Variants in CWC22 observed in about 807,000 individuals in gnomAD.
CWC22 encodes CWC22 spliceosome associated protein, also known as pre-mRNA-splicing factor CWC22 homolog.
In CWC22, 53 loss-of-function variants were observed where a neutral mutation model predicts 117.2. The ratio of observed to expected loss-of-function variants is 0.45; its 90% CI spans 0.36 to 0.57. The LOEUF (loss-of-function observed/expected upper bound fraction) is 0.57. Among genes scored for constraint, CWC22 ranks in the 20% least tolerant of loss-of-function variants. The pLI is 0.00. For synonymous variants in CWC22, 360 were observed against 355.6 expected (o/e 1.01, Z -0.14); for missense variants, 980 against 1,068.8 (o/e 0.92, Z 1.16).
intron 4 of CWC22, among the ~76,000 whole-genome samples, chr2:179,984,544 C>T (rs1432928620): frequency 6.6e-6 from 1 of 151,796 alleles, no homozygotes; most frequent in East Asian, 1.9e-4. Context: ...GTCAAAATTC[C>T]TGTGGGGGGT....
At chr2:179,991,479 A>G (rs760878806) in intron 2 of CWC22, among the ~76,000 whole-genome samples, 26 of 152,220 alleles carry the variant, frequency 1.7e-4, no homozygotes, top group Admixed American at 6.5e-5. Flanking sequence ...GGTAGAGCCA[A>G]GCCACTAAGT....
At chr2:180,004,421 T>C (rs1273318856) in intron 1 of CWC22, among the ~76,000 whole-genome samples, 1 of 152,008 alleles carries the variant, frequency 6.6e-6, no homozygotes, top group Non-Finnish European at 1.5e-5. Flanking sequence ...AGACAGAGGC[T>C]CACTTTATCG....
At chr2:179,961,947 GTCT>G (rs1686763289) in intron 13 of CWC22, among the ~76,000 whole-genome samples, 1 of 152,036 alleles carries the variant, frequency 6.6e-6, no homozygotes, top group Non-Finnish European at 1.5e-5. Flanking sequence ...CTGAATTACT[GTCT>G]TCTTTACATG....
chr2:179,973,268 T>C (rs771757601), intron 7 of CWC22, 22 bp from the exon 8 acceptor site: 1 of 1,576,684 alleles, frequency 6.3e-7, no homozygotes, highest in Admixed American at 1.8e-5. Context: ...AGGTGGAAAG[T>C]TAACCTATAA....
At chr2:180,004,987 A>C (rs969691835) in intron 1 of CWC22, among the ~76,000 whole-genome samples, 2 of 151,864 alleles carry the variant, frequency 1.3e-5, no homozygotes, top group Non-Finnish European at 2.9e-5. Context: ...AGAAGTTCTC[A>C]AACTAATTGG....
At chr2:179,978,396 G>A (rs1186311032) in intron 5 of CWC22, 78 bp from the exon 6 acceptor site, 2 of 1,330,654 alleles carry the variant, frequency 1.5e-6, no homozygotes, top group East Asian at 2.9e-5. Context: ...AAACTACATA[G>A]TGCTCCTTAA....
intron 1 of CWC22, among the ~76,000 whole-genome samples, chr2:180,003,906 C>T (rs941648605): frequency 5.3e-5 from 8 of 152,322 alleles, no homozygotes; most frequent in African/African-American, 1.4e-4. Flanking sequence ...TAGCTATAAT[C>T]CATGCTTAAA....
intron 1 of CWC22, among the ~76,000 whole-genome samples, chr2:180,001,351 A>G (rs1687845943): frequency 6.7e-6 from 1 of 149,800 alleles, no homozygotes; most frequent in Admixed American, 6.6e-5. Context: ...TTCTTGAGAC[A>G]GAGTCTGACT....
In CWC22 at chr2:179,965,971, C is replaced by T; in HGVS notation, c.1222G>A (p.Glu408Lys). The T allele has an allele frequency of 3.7e-6, 6 of 1,609,480 alleles. No homozygotes were observed. The highest frequency in any genetic ancestry group is 5.1e-6 in the Non-Finnish European group (6 of 1,177,288). ...TCTGTGTTCGAGTCAGTATCTCCCT[C>T]ATCAAGAATTTCTGTAAAGTACAAA... ...YKAIKKEILDEGDTDSNTDQD... is the reference protein window; with the variant it reads ...YKAIKKEILDKGDTDSNTDQD... The change falls in exon 12 of 20, where the codon GAG becomes AAG. Residue 408 changes from glutamate (E) to lysine (K), a missense_variant. By Grantham distance (56) the Glu-to-Lys change is moderately conservative (BLOSUM62 1). Transcript: ENST00000410053.
chr2:179,975,895 G>GA (rs1488029846), intron 6 of CWC22, among the ~76,000 whole-genome samples: 9 of 152,104 alleles, frequency 5.9e-5, no homozygotes, highest in African/African-American at 1.4e-4. Flanking sequence ...CACAGAAATA[G>GA]AAAAAACAAT....
At chr2:179,962,250 T>A (rs76023472) in intron 13 of CWC22, among the ~76,000 whole-genome samples, 2,989 of 152,226 alleles carry the variant, frequency 0.02, 110 homozygotes, top group African/African-American at 0.067. Flanking sequence ...AAAACAAATT[T>A]AAAAAATAAA....
rs780350901 is a variant in CWC22, at chr2:179,986,855, T to C, written c.96-50A>G. The C allele has an allele frequency of 9.7e-6, 10 of 1,026,390 alleles. No individual in the cohort carries two copies. In the East Asian group the frequency reaches 2.3e-4, roughly 24 times the overall value. 63.6% of individuals were successfully genotyped at this position (1,026,390 alleles called of 1,614,324 possible). A position where few individuals can be genotyped will look rare whatever the true frequency, so the allele number is the denominator to read the frequency against. On this transcript the variant is annotated intron_variant, in intron 3 of 19. Transcript: ENST00000410053. ...TTGCAAATTAAAAACAACTATGTTA[T>C]AAATATTTAGGAAAGTCATATATTG...
chr2:180,001,953 G>C (rs1197177437), intron 1 of CWC22, among the ~76,000 whole-genome samples: 1 of 152,120 alleles, frequency 6.6e-6, no homozygotes, highest in Non-Finnish European at 1.5e-5. Context: ...ATACATATTT[G>C]TTAAATGGAT....
In CWC22 at chr2:179,986,720, A is replaced by G; in HGVS notation, c.181T>C (p.Ser61Pro). Residue 61 changes from serine (S) to proline (P), a missense_variant, in exon 4 of 20, where the codon TCT (serine) becomes CCT (proline). This residue lies in a region of CWC22 where 559 missense variants were observed against 602.3 expected (regional missense o/e 0.93). Transcript: ENST00000410053. ...CGTGACTCCATGCTACTATCATAAGAACGTCCTCTTCTTGAATGCTCATAG... is the reference window on the plus strand; with the variant it reads ...CGTGACTCCATGCTACTATCATAAGGACGTCCTCTTCTTGAATGCTCATAG... Reference protein sequence around the residue: ...SDYEHSRRGRSYDSSMESRNR... With the variant: ...SDYEHSRRGRPYDSSMESRNR... 2 of 1,602,230 alleles carry G rather than the reference A, an allele frequency of 1.2e-6. No individual in the cohort carries two copies. Among genetic ancestry groups the G allele is most frequent in the Non-Finnish European group, 1.7e-6 (2 of 1,170,946 alleles).
chr2:180,002,165 G>T (rs536460460), intron 1 of CWC22, among the ~76,000 whole-genome samples: 48 of 152,288 alleles, frequency 3.2e-4, no homozygotes, highest in African/African-American at 1.1e-3. Flanking sequence ...ATCCACAGTG[G>T]AACTAATTAT....
In CWC22 at chr2:179,973,648, G is replaced by A; in HGVS notation, c.736C>T (p.Arg246Ter). 2 of 1,598,572 alleles carry A rather than the reference G, an allele frequency of 1.3e-6. No homozygotes were observed. The highest frequency in any genetic ancestry group is 1.7e-6 in the Non-Finnish European group (2 of 1,170,086). The change falls in exon 7 of 20, where the codon CGA becomes TGA. Residue 246 changes from arginine to a stop codon, truncating the protein, a stop_gained. Transcript: ENST00000410053. LOFTEE classifies it high-confidence loss of function. ...TTCATATATACCTTGTCATTTCTTCGATAGCCTTTTCGAAAATTAAGAATT... is the reference window on the plus strand; with the variant it reads ...TTCATATATACCTTGTCATTTCTTCAATAGCCTTTTCGAAAATTAAGAATT... Reference protein sequence around the residue: ...RLILNFRKGYRRNDKQLCLTA... With the variant: ...RLILNFRKGY
chr2:179,981,307 T>C (rs1687279385), intron 5 of CWC22, among the ~76,000 whole-genome samples: 1 of 152,164 alleles, frequency 6.6e-6, no homozygotes, highest in Non-Finnish European at 1.5e-5. Flanking sequence ...AGAGACAAAA[T>C]GACTCACAGT....
In CWC22 at chr2:179,996,007, T is replaced by C. The variant is rs568121782; in HGVS notation, c.-113-2553A>G. The stretch of plus-strand genomic sequence containing the variant: ...CTCTGACTACCTCTGAACCAACACA[T>C]GTACAAGACAGATTCCTGCCAAGAA... On this transcript the variant is annotated intron_variant, in intron 1 of 19. Coordinates refer to ENST00000410053, the MANE Select transcript of CWC22 (RefSeq NM_020943.3). Among the ~76,000 whole-genome samples the C allele has an allele frequency of 5.9e-5, 9 of 152,270 alleles. No individual in the cohort carries two copies. The East Asian group carries it at 1.5e-3, about 26-fold the overall frequency.
At chr2:179,993,879 G>A (rs1687633419) in intron 1 of CWC22, among the ~76,000 whole-genome samples, 1 of 151,990 alleles carries the variant, frequency 6.6e-6, no homozygotes, top group South Asian at 2.1e-4. Context: ...CACAGACTAA[G>A]AATGAAATAC....
Sources: allele counts gnomAD v4.1 joint callset (sites outside exome capture counted in the v4.1 genomes callset), GRCh38; gene constraint gnomAD v4.1.1; regional missense constraint gnomAD v4.1.1; transcripts MANE v1.5; gene names NCBI Gene and HGNC (gene_info 2026-07-23, HGNC 2026-07-21).